Variants in SPMIP4 observed in about 807,000 individuals in gnomAD.
The protein encoded by SPMIP4 is sperm microtubule inner protein 4.
the SPMIP4 span, among the ~76,000 whole-genome samples, chr7:25,175,457 A>G: frequency 6.6e-6 from 1 of 151,430 alleles, no homozygotes; most frequent in Non-Finnish European, 1.5e-5. Flanking sequence ...TTGTGAAAAG[A>G]AAAAAAAAGT....
the SPMIP4 span, chr7:25,142,323 G>A: frequency 1.2e-6 from 2 of 1,606,168 alleles, no homozygotes; most frequent in East Asian, 2.2e-5. Flanking sequence ...GGGGTCCATG[G>A]GCCCCAGACC....
At chr7:25,138,341 T>C in the SPMIP4 span, among the ~76,000 whole-genome samples, 31 of 152,256 alleles carry the variant, frequency 2.0e-4, no homozygotes, top group Middle Eastern at 3.2e-3. The surrounding 1 kb of genome is among the most constrained non-coding windows in gnomAD (Gnocchi z 6.2). Context: ...AACTCTGCCA[T>C]TGTTGAATAA....
chr7:25,160,583 A>T, the SPMIP4 span, among the ~76,000 whole-genome samples: 1 of 152,236 alleles, frequency 6.6e-6, no homozygotes, highest in Non-Finnish European at 1.5e-5. Flanking sequence ...TACAGGCATG[A>T]GCCACTGTGC....
the SPMIP4 span, among the ~76,000 whole-genome samples, chr7:25,129,472 T>G: frequency 2.0e-5 from 3 of 152,178 alleles, no homozygotes; most frequent in Non-Finnish European, 4.4e-5. Flanking sequence ...GCAAGCACAC[T>G]GATTCTCTAT....
At chr7:25,157,784 G>C in the SPMIP4 span, among the ~76,000 whole-genome samples, 3 of 152,074 alleles carry the variant, frequency 2.0e-5, no homozygotes, top group East Asian at 5.8e-4. Context: ...AGGACATGAA[G>C]GAAAAACTGA....
At chr7:25,147,482 G>C in the SPMIP4 span, among the ~76,000 whole-genome samples, 1 of 152,084 alleles carries the variant, frequency 6.6e-6, no homozygotes, top group Non-Finnish European at 1.5e-5. Flanking sequence ...AACTGGGCCA[G>C]TCCAAAGAGG....
chr7:25,160,250 A>G, the SPMIP4 span, among the ~76,000 whole-genome samples: 1 of 66,976 alleles, frequency 1.5e-5, no homozygotes, highest in African/African-American at 3.0e-5. Context: ...ACTTCTTAAT[A>G]AAGAAGTGAT....
At chr7:25,158,600 A>G in the SPMIP4 span, 2 of 1,260,842 alleles carry the variant, frequency 1.6e-6, no homozygotes, top group Non-Finnish European at 2.3e-6. Context: ...CCCTATTAGA[A>G]ACTTGATTAA....
chr7:25,126,592 ACT>A, the SPMIP4 span, among the ~76,000 whole-genome samples: 8 of 152,100 alleles, frequency 5.3e-5, no homozygotes, highest in Non-Finnish European at 2.9e-5. Context: ...CACTCTCCCC[ACT>A]TTTAAAACTT....
the SPMIP4 span, among the ~76,000 whole-genome samples, chr7:25,128,968 C>T: frequency 6.6e-6 from 1 of 152,192 alleles, no homozygotes; most frequent in African/African-American, 2.4e-5. This position sits in a 1 kb window ranked among gnomAD's most constrained non-coding sequence, Gnocchi z 4.5. Context: ...GGGCCTCCCC[C>T]TAGTGCACAG....
chr7:25,165,494 C>T, the SPMIP4 span, among the ~76,000 whole-genome samples: 4 of 152,068 alleles, frequency 2.6e-5, no homozygotes, highest in African/African-American at 9.7e-5. Context: ...ACTCTGTCGC[C>T]CAGGCTGGGG....
the SPMIP4 span, among the ~76,000 whole-genome samples, chr7:25,174,786 G>A: frequency 0.37 from 55,709 of 152,042 alleles, 12,418 homozygotes; most frequent in Non-Finnish European, 0.5. This position sits in a 1 kb window ranked among gnomAD's most constrained non-coding sequence, Gnocchi z 4.5. Context: ...GAATGAAAAA[G>A]AGGATAGGAA....
the SPMIP4 span, chr7:25,142,895 G>C: frequency 1.8e-6 from 2 of 1,082,186 alleles, no homozygotes; most frequent in Non-Finnish European, 2.5e-6. Flanking sequence ...GCAGGAAAGA[G>C]GCAAAGGAAA....
At chr7:25,142,453 A>G in the SPMIP4 span, 1 of 860,994 alleles carries the variant, frequency 1.2e-6, no homozygotes, top group Non-Finnish European at 1.7e-6. Flanking sequence ...TAAAATGAAA[A>G]CCAACCCTAC....
chr7:25,150,409 T>C, the SPMIP4 span, among the ~76,000 whole-genome samples: 2 of 152,108 alleles, frequency 1.3e-5, no homozygotes, highest in African/African-American at 4.8e-5. Flanking sequence ...CATTTAACTA[T>C]AAAAAAACAA....
chr7:25,170,122 C>T, the SPMIP4 span, among the ~76,000 whole-genome samples: 2 of 152,172 alleles, frequency 1.3e-5, no homozygotes, highest in African/African-American at 4.8e-5. Context: ...AAACTGTTTT[C>T]TACAGTAGCT....
At chr7:25,166,447 C>T in the SPMIP4 span, among the ~76,000 whole-genome samples, 28,108 of 151,852 alleles carry the variant, frequency 0.19, 3,803 homozygotes, top group African/African-American at 0.38. Flanking sequence ...ATTAGCTGGG[C>T]GTGGTGGCGG....
At chr7:25,127,228 T>A in the SPMIP4 span, among the ~76,000 whole-genome samples, 21 of 152,208 alleles carry the variant, frequency 1.4e-4, no homozygotes, top group African/African-American at 5.1e-4. Context: ...GATATCTTTC[T>A]CTAGGTTTGG....
At chr7:25,170,003 T>A in the SPMIP4 span, among the ~76,000 whole-genome samples, 1 of 152,240 alleles carries the variant, frequency 6.6e-6, no homozygotes, top group Middle Eastern at 3.2e-3. Context: ...AATACTGCTA[T>A]GAATATTCAT....
Sources: gnomAD v4.1 joint callset for allele counts (sites outside exome capture counted in the v4.1 genomes callset) on GRCh38, gnomAD v4.1.1 for gene constraint, Gnocchi (gnomAD v3.1) non-coding constraint, MANE v1.5 for transcripts, NCBI Gene and HGNC (gene_info 2026-07-23, HGNC 2026-07-21) for gene names.